MED13L: variants seen among roughly 807,000 people sequenced by gnomAD.
MED13L encodes the protein mediator of RNA polymerase II transcription subunit 13-like.
A neutral mutation model predicts 220.9 loss-of-function variants in MED13L; 7 were observed. The ratio of observed to expected loss-of-function variants is 0.03; its 90% CI spans 0.02 to 0.06. The LOEUF (loss-of-function observed/expected upper bound fraction) is 0.06, where lower values mean the gene tolerates loss of function less well. Among genes scored for constraint, MED13L ranks in the 10% least tolerant of loss-of-function variants. The pLI, the probability that MED13L is intolerant of heterozygous loss-of-function variation, is 1.00. For missense variants in MED13L, 1,965 were observed against 2,760.5 expected, an observed-to-expected ratio of 0.71 and a Z score of 6.46; for synonymous variants, 1,011 against 1,015.2, an observed-to-expected ratio of 1.00 and a Z score of 0.08.
chr12:116,050,662 C>T (rs1276241404), intron 4 of MED13L, among the ~76,000 whole-genome samples: 2 of 152,106 alleles, frequency 1.3e-5, no homozygotes, highest in Non-Finnish European at 2.9e-5. Flanking sequence ...ATTGGCCGGG[C>T]ACGGTGGCTC....
chr12:116,185,146 T>TA (rs1880794691), intron 2 of MED13L, among the ~76,000 whole-genome samples: 1 of 152,060 alleles, frequency 6.6e-6, no homozygotes, highest in Admixed American at 6.5e-5. Context: ...TAAAAATTCG[T>TA]AACTAGTAAA....
chr12:116,160,194 T>C (rs1247790271), intron 2 of MED13L, among the ~76,000 whole-genome samples: 2 of 152,228 alleles, frequency 1.3e-5, no homozygotes, highest in Admixed American at 6.5e-5. Context: ...CAGACAGATA[T>C]TTAAATTTTT....
intron 1 of MED13L, among the ~76,000 whole-genome samples, chr12:116,242,606 C>T (rs1194841073): frequency 6.6e-6 from 1 of 151,938 alleles, no homozygotes; most frequent in African/African-American, 2.4e-5. Context: ...TAATAACCAC[C>T]AACATCATTA....
At chr12:116,274,821 C>G (rs78881216) in intron 1 of MED13L, among the ~76,000 whole-genome samples, 1 of 151,548 alleles carries the variant, frequency 6.6e-6, no homozygotes. Flanking sequence ...TTTAAAAAAG[C>G]ATATTCAAAA....
At chr12:116,214,427 A>G (rs1427639937) in intron 2 of MED13L, among the ~76,000 whole-genome samples, 1 of 152,096 alleles carries the variant, frequency 6.6e-6, no homozygotes, top group Non-Finnish European at 1.5e-5. Context: ...ACTTAGACAA[A>G]AAGGTTTAAA....
At chr12:115,968,880 G>GTGGAT (rs1876382518) in intron 28 of MED13L, 60 bp downstream of exon 28, 1 of 1,587,110 alleles carries the variant, frequency 6.3e-7, no homozygotes, top group Non-Finnish European at 8.7e-7. Context: ...CAGATGTCCA[G>GTGGAT]TGGATTATCT....
At chr12:116,190,289 T>G (rs1881186813) in intron 2 of MED13L, among the ~76,000 whole-genome samples, 1 of 152,254 alleles carries the variant, frequency 6.6e-6, no homozygotes, top group Non-Finnish European at 1.5e-5. Context: ...TGGATGATTA[T>G]GTTTGATAAT....
chr12:116,235,044 G>A (rs1295314714), intron 2 of MED13L, among the ~76,000 whole-genome samples: 1 of 152,010 alleles, frequency 6.6e-6, no homozygotes, highest in Admixed American at 6.6e-5. Flanking sequence ...ACTTTGTATG[G>A]CTACCAATTA....
intron 17 of MED13L, among the ~76,000 whole-genome samples, chr12:115,988,920 AATTC>A (rs755534817): frequency 1.3e-5 from 2 of 152,134 alleles, no homozygotes; most frequent in Non-Finnish European, 1.5e-5. Context: ...TCACTTCATA[AATTC>A]ATTCAGTAGA....
intron 1 of MED13L, among the ~76,000 whole-genome samples, chr12:116,251,664 G>A (rs1053743142): frequency 6.6e-6 from 1 of 151,484 alleles, no homozygotes; most frequent in East Asian, 2.0e-4. Flanking sequence ...GGGAGGCTGA[G>A]GCAGGAGAAT....
At chr12:116,036,472 A>G (rs1473795246) in intron 4 of MED13L, among the ~76,000 whole-genome samples, 1 of 152,224 alleles carries the variant, frequency 6.6e-6, no homozygotes, top group Non-Finnish European at 1.5e-5. Flanking sequence ...CTCTAAAAAG[A>G]TATTTTTACT....
chr12:116,156,996 T>C (rs144328255), intron 2 of MED13L, among the ~76,000 whole-genome samples: 19 of 152,238 alleles, frequency 1.2e-4, no homozygotes, highest in African/African-American at 4.3e-4. Flanking sequence ...TCTCAGGATA[T>C]TGAGAGAGCA....
At chr12:116,176,876 C>CA (rs11285058) in intron 2 of MED13L, among the ~76,000 whole-genome samples, 3,131 of 73,158 alleles carry the variant, frequency 0.043, 57 homozygotes, top group African/African-American at 0.067. Flanking sequence ...AGAACTCAGC[C>CA]AAAAAAAAAA....
At chr12:116,152,650 GAGA>G (rs1593105909) in intron 2 of MED13L, among the ~76,000 whole-genome samples, 1 of 152,118 alleles carries the variant, frequency 6.6e-6, no homozygotes, top group African/African-American at 2.4e-5. Flanking sequence ...CAACCAAGGA[GAGA>G]AGGACTGTTC....
At chr12:116,009,830 A>T (rs922381235) in intron 9 of MED13L, among the ~76,000 whole-genome samples, 1 of 152,132 alleles carries the variant, frequency 6.6e-6, no homozygotes, top group Non-Finnish European at 1.5e-5. Context: ...ATCTTAACAC[A>T]CTTCTTGGCA....
In MED13L at chr12:116,093,448, T is replaced by C. The variant is rs183596517; in HGVS notation, c.479+3221A>G. On this transcript the variant is annotated intron_variant, in intron 4 of 30. Coordinates refer to ENST00000281928, the MANE Select transcript of MED13L (RefSeq NM_015335.5). Reference sequence around the variant, plus strand: ...TAGAATTCTCCTGAACATCAACTCATATCAAATATTAAGAACCCTTTTAGG... The same window carrying C: ...TAGAATTCTCCTGAACATCAACTCACATCAAATATTAAGAACCCTTTTAGG... Among the ~76,000 whole-genome samples, 58 of 152,190 alleles carry C rather than the reference T, an allele frequency of 3.8e-4. 2 individuals are homozygous for C. The South Asian group carries it at 0.011, about 29-fold the overall frequency.
chr12:116,032,778 G>A (rs569894004), intron 4 of MED13L, among the ~76,000 whole-genome samples: 1 of 152,202 alleles, frequency 6.6e-6, no homozygotes, highest in East Asian at 1.9e-4. Flanking sequence ...GTGCTCAGAG[G>A]TTCTGTGCAC....
At chr12:116,175,045 G>C (rs1879946188) in intron 2 of MED13L, among the ~76,000 whole-genome samples, 2 of 152,050 alleles carry the variant, frequency 1.3e-5, no homozygotes, top group Non-Finnish European at 2.9e-5. Flanking sequence ...CTGAGCAACA[G>C]AATGAGATCT....
chr12:116,056,420 A>G (rs1868979206), intron 4 of MED13L, among the ~76,000 whole-genome samples: 1 of 151,788 alleles, frequency 6.6e-6, no homozygotes, highest in Non-Finnish European at 1.5e-5. Flanking sequence ...TCAGGCACAG[A>G]GTTTTGTCAT....
Sources: gnomAD v4.1 joint callset for allele counts (sites outside exome capture counted in the v4.1 genomes callset) on GRCh38, gnomAD v4.1.1 for gene constraint, MANE v1.5 for transcripts, NCBI Gene and HGNC (gene_info 2026-07-23, HGNC 2026-07-21) for gene names.